PLAC1: variants seen among roughly 807,000 people sequenced by gnomAD.
The protein encoded by PLAC1 is placenta associated 1, also known as placenta-specific protein 1.
For missense variants in PLAC1, 136 were observed against 163.2 expected, an observed-to-expected ratio of 0.83 and a Z score of 0.91; for synonymous variants, 68 against 62.1, an observed-to-expected ratio of 1.09 and a Z score of -0.44.
intron 2 of PLAC1, among the ~76,000 whole-genome samples, chrX:134,596,173 C>A (rs2078061428): frequency 9.3e-6 from 1 of 107,270 alleles, no homozygotes; most frequent in Admixed American, 9.8e-5. Context: ...TAAATATTTC[C>A]TCTACATGCA....
At chrX:134,566,805 T>G (rs2077879072) in intron 2 of PLAC1, 65 bp from the exon 3 acceptor site, 1 of 549,777 alleles carries the variant, frequency 1.8e-6, no homozygotes, top group East Asian at 3.4e-5. Flanking sequence ...AAACATGATA[T>G]ATTTTTTAAG....
intron 1 of PLAC1, among the ~76,000 whole-genome samples, chrX:134,657,950 C>T (rs929224952): frequency 1.8e-5 from 2 of 111,745 alleles, no homozygotes; most frequent in Non-Finnish European, 3.8e-5. Context: ...CCACATGAAT[C>T]CCTAAAAAAT....
intron 2 of PLAC1, among the ~76,000 whole-genome samples, chrX:134,672,741 G>A (rs2078459992): frequency 1.8e-5 from 2 of 112,650 alleles, no homozygotes; most frequent in African/African-American, 6.4e-5. Context: ...AACAAGTTAG[G>A]GGCTGATTAT....
At chrX:134,720,789 G>A (rs1359981108) in intron 2 of PLAC1, among the ~76,000 whole-genome samples, 2 of 112,413 alleles carry the variant, frequency 1.8e-5, no homozygotes, top group African/African-American at 6.5e-5. Context: ...TTTAGTAGCT[G>A]GGACCACAGG....
intron 2 of PLAC1, among the ~76,000 whole-genome samples, chrX:134,568,576 T>C (rs1213515923): frequency 1.8e-5 from 2 of 111,795 alleles, no homozygotes; most frequent in Non-Finnish European, 3.8e-5. Context: ...TCTGCCAGGC[T>C]CCTTCCTCTT....
intron 1 of PLAC1, among the ~76,000 whole-genome samples, chrX:134,758,114 A>C (rs1369175723): frequency 9.0e-6 from 1 of 110,801 alleles, no homozygotes; most frequent in Non-Finnish European, 1.9e-5. Flanking sequence ...GATCTCTATA[A>C]GGAAAACTAC....
At position 134,681,504 on chromosome X, in the gene PLAC1, C is replaced by T. The variant is rs1166335394; in HGVS notation, n.174+51931G>A. ...ATACACATTCCTTAATTGAAGATAACAACTATTTATTAAAAAGCTATGCTG... is the reference window on the plus strand; with the variant it reads ...ATACACATTCCTTAATTGAAGATAATAACTATTTATTAAAAAGCTATGCTG... On this transcript the variant is annotated intron_variant and non_coding_transcript_variant, in intron 2 of 2. Coordinates refer to the PLAC1 transcript ENST00000466797. Among the ~76,000 whole-genome samples the T allele has an allele frequency of 2.7e-5, 3 of 111,739 alleles. No individual in the cohort carries two copies. In the East Asian group the frequency reaches 8.3e-4, roughly 31 times the overall value.
At chrX:134,612,323 T>C (rs2078158092) in intron 1 of PLAC1, among the ~76,000 whole-genome samples, 1 of 112,148 alleles carries the variant, frequency 8.9e-6, no homozygotes, top group Non-Finnish European at 1.9e-5. Flanking sequence ...TTAAGGACAC[T>C]GTGAAGATTA....
intron 2 of PLAC1, among the ~76,000 whole-genome samples, chrX:134,710,800 T>C (rs1361871747): frequency 9.0e-6 from 1 of 111,535 alleles, no homozygotes; most frequent in African/African-American, 3.3e-5. Flanking sequence ...CAACTTTTCA[T>C]GTAGCACTTT....
chrX:134,651,007 T>C (rs982746643), intron 1 of PLAC1: 1 of 251,548 alleles, frequency 4.0e-6, no homozygotes, highest in Non-Finnish European at 8.3e-6. Flanking sequence ...CAGAAAGCTA[T>C]CATAATCTTT....
At chrX:134,583,925 A>C (rs918893182) in intron 2 of PLAC1, among the ~76,000 whole-genome samples, 5 of 110,713 alleles carry the variant, frequency 4.5e-5, no homozygotes, top group Non-Finnish European at 3.8e-5. Context: ...GGAGAAAACA[A>C]ACGACTTCTG....
intron 1 of PLAC1, among the ~76,000 whole-genome samples, chrX:134,604,128 A>T (rs1160735848): frequency 8.9e-6 from 1 of 112,427 alleles, no homozygotes; most frequent in Non-Finnish European, 1.9e-5. Context: ...AGTCCTGGGC[A>T]CCAGGGCTGA....
At chrX:134,655,730 C>T (rs1289205793) in intron 1 of PLAC1, among the ~76,000 whole-genome samples, 3 of 111,816 alleles carry the variant, frequency 2.7e-5, no homozygotes, top group Middle Eastern at 4.2e-3. Flanking sequence ...CTGAATTTGT[C>T]TGTTTTCTTA....
At chrX:134,687,852 ATATAT>A (rs2078523246) in intron 2 of PLAC1, among the ~76,000 whole-genome samples, 1 of 75,635 alleles carries the variant, frequency 1.3e-5, no homozygotes, top group Non-Finnish European at 2.4e-5. Flanking sequence ...ATATATATAT[ATATAT>A]ATATATATAT....
chrX:134,643,457 C>A (rs1030402873), intron 1 of PLAC1, among the ~76,000 whole-genome samples: 1 of 111,650 alleles, frequency 9.0e-6, no homozygotes, highest in Non-Finnish European at 1.9e-5. Flanking sequence ...TATATGAGGA[C>A]CGAAAACTAA....
chrX:134,589,146 G>A (rs1370765250), intron 2 of PLAC1, among the ~76,000 whole-genome samples: 1 of 111,340 alleles, frequency 9.0e-6, no homozygotes, highest in Non-Finnish European at 1.9e-5. Context: ...TGGAAACCTG[G>A]AGAAGCCTGA....
At chrX:134,727,545 G>A (rs2078678084) in intron 2 of PLAC1, among the ~76,000 whole-genome samples, 1 of 111,907 alleles carries the variant, frequency 8.9e-6, no homozygotes, top group Non-Finnish European at 1.9e-5. Context: ...CAAACAGTAG[G>A]GGGAGTTATA....
At chrX:134,719,253 T>C in intron 2 of PLAC1, among the ~76,000 whole-genome samples, 1 of 112,062 alleles carries the variant, frequency 8.9e-6, no homozygotes, top group Admixed American at 9.4e-5. Flanking sequence ...CTGTATTTTA[T>C]CACACAAACA....
Position 134,647,410 on chromosome X carries a change from C to CTGTGTG in PLAC1, c.-131+10912_-131+10917dup, listed in dbSNP as rs200761671. Among the ~76,000 whole-genome samples the CTGTGTG allele has an allele frequency of 4.3e-3, 387 of 90,127 alleles. 2 individuals carry two copies. The highest frequency in any genetic ancestry group is 0.014 in the African/African-American group (338 of 24,084). The allele number at this position is 90,127 out of a possible 115,157, so 78.3% of individuals were successfully genotyped here. A position where few individuals can be genotyped will look rare whatever the true frequency, so the allele number is the denominator to read the frequency against. ...CTTCTATGTGTGGGCATGCATGCAT[C>CTGTGTG]TGTGTGTGTGTGTGTGTGTGTGTGT... On this transcript the variant is annotated intron_variant, in intron 1 of 2. Coordinates refer to ENST00000359237, the MANE Select transcript of PLAC1 (RefSeq NM_021796.4).
Sources: allele counts gnomAD v4.1 joint callset (sites outside exome capture counted in the v4.1 genomes callset), GRCh38; gene constraint gnomAD v4.1.1; transcripts MANE v1.5; gene names NCBI Gene and HGNC (gene_info 2026-07-23, HGNC 2026-07-21).